The following ZMAT4 variants were observed in gnomAD, a reference collection of about 807,000 sequenced individuals.
ZMAT4 encodes the protein zinc finger matrin-type 4.
Under a neutral mutation model 28.7 loss-of-function variants are expected in ZMAT4, and 17 were observed. That is an observed-to-expected ratio of 0.59 (90% CI 0.41 to 0.89). The LOEUF (loss-of-function observed/expected upper bound fraction) is 0.89. ZMAT4 is among the 40% of genes least tolerant of loss of function. The probability of loss-of-function intolerance (pLI) is 0.00; values close to 1 mark genes in which losing one functional copy is unlikely to be tolerated. For synonymous variants in ZMAT4, 117 were observed against 109.2 expected (o/e 1.07, Z -0.44); for missense variants, 240 against 283.8 (o/e 0.85, Z 1.11).
At chr8:40,691,774 G>A (rs887943617) in intron 4 of ZMAT4, among the ~76,000 whole-genome samples, 6 of 152,036 alleles carry the variant, frequency 3.9e-5, no homozygotes, top group African/African-American at 1.5e-4. Context: ...ATGTGTTTCC[G>A]TCACTTTACC....
intron 1 of ZMAT4, among the ~76,000 whole-genome samples, chr8:40,835,390 T>C (rs979562172): frequency 6.6e-6 from 1 of 152,110 alleles, no homozygotes; most frequent in African/African-American, 2.4e-5. Context: ...AAGAATAGGC[T>C]CCTACCCTCC....
intron 1 of ZMAT4, among the ~76,000 whole-genome samples, chr8:40,837,925 C>T (rs190767666): frequency 6.6e-6 from 1 of 152,246 alleles, no homozygotes; most frequent in African/African-American, 2.4e-5. Context: ...CAGACCCATG[C>T]TCCTCACCCC....
chr8:40,846,509 T>A (rs1816904790), intron 1 of ZMAT4, among the ~76,000 whole-genome samples: 1 of 152,248 alleles, frequency 6.6e-6, no homozygotes, highest in Non-Finnish European at 1.5e-5. Context: ...GATCACCTCC[T>A]CGATGCAGAG....
intron 6 of ZMAT4, among the ~76,000 whole-genome samples, chr8:40,560,937 C>T (rs889026739): frequency 1.6e-4 from 24 of 152,210 alleles, no homozygotes; most frequent in African/African-American, 4.8e-4. Context: ...ATGTATGTCT[C>T]GCATTGCAAT....
intron 2 of ZMAT4, among the ~76,000 whole-genome samples, chr8:40,813,382 A>G (rs1012512450): frequency 4.6e-5 from 7 of 152,250 alleles, no homozygotes; most frequent in African/African-American, 1.7e-4. Context: ...GATTTAGCTA[A>G]GGCTGTTCAT....
chr8:40,617,541 A>T (rs180978198), intron 5 of ZMAT4, among the ~76,000 whole-genome samples: 10 of 152,348 alleles, frequency 6.6e-5, no homozygotes, highest in African/African-American at 2.2e-4. Flanking sequence ...AAGCAGACAC[A>T]ATCGTTTGGG....
intron 4 of ZMAT4, among the ~76,000 whole-genome samples, chr8:40,683,596 G>A (rs1391127505): frequency 6.6e-6 from 1 of 152,126 alleles, no homozygotes; most frequent in African/African-American, 2.4e-5. Flanking sequence ...TGGGTTTTTG[G>A]ATACTGCTGT....
At chr8:40,754,272 AG>A (rs1377787302) in intron 3 of ZMAT4, among the ~76,000 whole-genome samples, 2 of 152,216 alleles carry the variant, frequency 1.3e-5, no homozygotes, top group Non-Finnish European at 2.9e-5. Flanking sequence ...AGAGTACAGG[AG>A]GGGGCTACCA....
chr8:40,694,161 G>T (rs370933442), intron 4 of ZMAT4, among the ~76,000 whole-genome samples: 1 of 152,174 alleles, frequency 6.6e-6, no homozygotes, highest in East Asian at 1.9e-4. Context: ...CAGCCACCAC[G>T]TGGAAGGTGA....
chr8:40,734,701 A>G (rs1811688235), intron 3 of ZMAT4, among the ~76,000 whole-genome samples: 1 of 152,184 alleles, frequency 6.6e-6, no homozygotes, highest in Admixed American at 6.5e-5. Context: ...GGAAAGTAGG[A>G]GTCACCTTAC....
rs543352377 is a variant in ZMAT4 at position 40,853,704 on chromosome 8, T to C, written c.-4-28024A>G. 2.5e-4 allele frequency among the ~76,000 whole-genome samples: 38 copies of C among 152,358 alleles called. 1 individual carries two copies. Among genetic ancestry groups the C allele is most frequent in the Non-Finnish European group, 4.7e-4 (32 of 68,032 alleles). ...TTTTCAGTGATTTGGTGCCATTGTC[T>C]TGATTTGGATGAAGGCACCCAGTTT... On this transcript the variant is annotated intron_variant, in intron 1 of 6. Transcript: ENST00000297737.
intron 3 of ZMAT4, among the ~76,000 whole-genome samples, chr8:40,708,569 CTT>C (rs1491093495): frequency 8.3e-5 from 8 of 96,948 alleles, no homozygotes; most frequent in African/African-American, 2.2e-4. Context: ...CATACACACT[CTT>C]TCTCTCTCTC....
chr8:40,822,852 T>G (rs551885713), intron 2 of ZMAT4, among the ~76,000 whole-genome samples: 2 of 152,346 alleles, frequency 1.3e-5, no homozygotes, highest in East Asian at 3.9e-4. Context: ...TGTAACACTG[T>G]TAATTGCAGA....
At chr8:40,842,048 G>T (rs1195685877) in intron 1 of ZMAT4, among the ~76,000 whole-genome samples, 1 of 152,198 alleles carries the variant, frequency 6.6e-6, no homozygotes, top group Non-Finnish European at 1.5e-5. Context: ...AAACAGGTCT[G>T]GGTAGAAAGT....
At chr8:40,862,584 T>TAAAAAAAAAAAAAAAAAAA (rs398007582) in intron 1 of ZMAT4, among the ~76,000 whole-genome samples, 1 of 109,952 alleles carries the variant, frequency 9.1e-6, no homozygotes. Context: ...AAAAAAAAAT[T>TAAAAAAAAAAAAAAAAAAA]AAAAAAAAAA....
intron 5 of ZMAT4, among the ~76,000 whole-genome samples, chr8:40,632,738 A>G (rs968127737): frequency 6.6e-6 from 1 of 152,194 alleles, no homozygotes; most frequent in African/African-American, 2.4e-5. Context: ...CTGTGAGATA[A>G]TCAATTTCTT....
At chr8:40,849,542 A>G (rs963816429) in intron 1 of ZMAT4, among the ~76,000 whole-genome samples, 1 of 152,160 alleles carries the variant, frequency 6.6e-6, no homozygotes, top group East Asian at 1.9e-4. Context: ...TCCCCTGAAG[A>G]ACACACACCT....
chr8:40,659,157 T>C (rs1563393877), intron 5 of ZMAT4, among the ~76,000 whole-genome samples: 1 of 152,112 alleles, frequency 6.6e-6, no homozygotes, highest in Non-Finnish European at 1.5e-5. Context: ...GTGCTGCAGA[T>C]GCCAAGACCA....
chr8:40,713,603 G>A (rs1269031227), intron 3 of ZMAT4, among the ~76,000 whole-genome samples: 1 of 151,972 alleles, frequency 6.6e-6, no homozygotes, highest in East Asian at 1.9e-4. Context: ...ACTAAAAATG[G>A]ATAAAAAGAA....
Sources: allele counts gnomAD v4.1 joint callset (sites outside exome capture counted in the v4.1 genomes callset), GRCh38; gene constraint gnomAD v4.1.1; transcripts MANE v1.5; gene names NCBI Gene and HGNC (gene_info 2026-07-23, HGNC 2026-07-21).